Variants in HAPLN2 observed in about 807,000 individuals in gnomAD.
The protein encoded by HAPLN2 is hyaluronan and proteoglycan link protein 2, also known as brain link protein-1.
Under a neutral mutation model 29.3 loss-of-function variants are expected in HAPLN2, and 27 were observed. The observed-to-expected ratio is 0.92, with a 90% CI of 0.68 to 1.27. The LOEUF (loss-of-function observed/expected upper bound fraction) is 1.27, where lower values mean the gene tolerates loss of function less well. HAPLN2 is among the 50% of genes most tolerant of loss of function. HAPLN2 has a pLI of 0.00. For missense variants in HAPLN2, 454 were observed against 484.3 expected (o/e 0.94, Z 0.59); for synonymous variants, 208 against 211.7 (o/e 0.98, Z 0.15).
chr1:156,623,421 C>T, intron 2 of HAPLN2, 46 bp from the exon 3 acceptor site: 1 of 1,523,584 alleles, frequency 6.6e-7, no homozygotes, highest in Non-Finnish European at 9.0e-7. Context: ...TCTTCCCCAC[C>T]CTTTTGCCCC....
chr1:156,624,408 C>T lies in HAPLN2; in HGVS notation c.497C>T (p.Ala166Val). 2 of 1,610,796 alleles carry T rather than the reference C, an allele frequency of 1.2e-6. No individual in the cohort carries two copies. Among genetic ancestry groups the T allele is most frequent in the Non-Finnish European group, 1.7e-6 (2 of 1,178,710 alleles). ...RGRYQFNYYE[A>V]KQACEEQDGR... is the part of the protein sequence containing the mutation. The stretch of plus-strand genomic sequence containing the variant: ...CGGTACCAGTTCAATTACTACGAGG[C>T]GAAGCAGGCGTGCGAGGAGCAGGAC... The change falls in exon 5 of 7, where the codon GCG (alanine) becomes GTG (valine). Residue 166 changes from alanine (A) to valine (V), a missense_variant. Physicochemically the swap from Ala to Val is moderately conservative, Grantham distance 64. This residue lies in a region of HAPLN2 where 15 missense variants were observed against 38.3 expected (regional missense o/e 0.39). Coordinates refer to ENST00000255039, the MANE Select transcript of HAPLN2 (RefSeq NM_021817.3).
In HAPLN2 at chr1:156,623,486, C is replaced by G; in HGVS notation, c.-5C>G. The G allele has an allele frequency of 6.2e-7, 1 of 1,614,054 alleles. No homozygotes were observed. The highest frequency in any genetic ancestry group is 2.2e-5 in the East Asian group (1 of 44,878). ...CTGCAGACGGTGCCGGGCTGACCCC[C>G]CATCATGCCAGGCTGGCTCACCCTC... On this transcript the variant is annotated 5_prime_UTR_variant, in exon 3 of 7. Coordinates refer to ENST00000255039, the MANE Select transcript of HAPLN2 (RefSeq NM_021817.3).
chr1:156,624,027 G>A lies in HAPLN2; in HGVS notation c.306G>A (p.Arg102=). ...ATGGGCCCCTGGGAGGGCGCGCCAG[G>A]ATGCGGAGGGGGCATCGACTAGACG... ...RGYGPLGGRA[R]MRRGHRLDAS... The change falls in exon 4 of 7, where the codon AGG becomes AGA. Residue 102 remains arginine (R), a synonymous_variant. Coordinates refer to ENST00000255039, the MANE Select transcript of HAPLN2 (RefSeq NM_021817.3). 1 of 1,612,516 alleles carries A rather than the reference G, an allele frequency of 6.2e-7. No individual in the cohort carries two copies. Among genetic ancestry groups the A allele is most frequent in the East Asian group, 2.2e-5 (1 of 44,836 alleles).
At chr1:156,601,705 A>G in the HAPLN2 span, among the ~76,000 whole-genome samples, 6 of 152,206 alleles carry the variant, frequency 3.9e-5, no homozygotes, top group East Asian at 9.7e-4. Context: ...TGGCCCTCTC[A>G]GGATGCCAAG....
the HAPLN2 span, among the ~76,000 whole-genome samples, chr1:156,610,064 A>T: frequency 6.6e-6 from 1 of 152,122 alleles, no homozygotes; most frequent in Admixed American, 6.5e-5. Context: ...AATATAAAAA[A>T]TTAGCTGGGT....
chr1:156,625,178 G>C lies in HAPLN2; in HGVS notation c.817G>C (p.Ala273Pro). Reference protein sequence around the residue: ...AACRRRGAVVAKVGHLYAAWK... With the variant: ...AACRRRGAVVPKVGHLYAAWK... ...GTGCCGGCGACGCGGCGCCGTGGTGGCCAAGGTTGGGCACCTCTACGCCGC... is the reference window on the plus strand; with the variant it reads ...GTGCCGGCGACGCGGCGCCGTGGTGCCCAAGGTTGGGCACCTCTACGCCGC... The change falls in exon 7 of 7, where the codon GCC becomes CCC. Residue 273 changes from alanine (A) to proline (P), a missense_variant. Around this residue, in one of 3 missense-constraint regions of HAPLN2, gnomAD observed 235 missense variants for 236.9 expected, o/e 0.99. Coordinates refer to ENST00000255039, the MANE Select transcript of HAPLN2 (RefSeq NM_021817.3). The surrounding 1 kb of genome is among the most constrained non-coding windows in gnomAD (Gnocchi z 5.7). 1 of 1,547,848 alleles carries C rather than the reference G, an allele frequency of 6.5e-7. No individual in the cohort carries two copies. The highest frequency in any genetic ancestry group is 2.4e-5 in the East Asian group (1 of 41,044).
At chr1:156,612,671 A>G in the HAPLN2 span, among the ~76,000 whole-genome samples, 2 of 152,226 alleles carry the variant, frequency 1.3e-5, no homozygotes, top group South Asian at 4.1e-4. Flanking sequence ...TCACGGGAGC[A>G]GCAAACACTA....
chr1:156,625,411 CGCGAAG>C lies in HAPLN2; in HGVS notation c.*28_*33del. The stretch of plus-strand genomic sequence containing the variant: ...CGCCCACCGTGTCCCCTCCAGCGCG[CGCGAAG>C]AAGCTTGGGAGTCGTGGCGGGGGTC... On this transcript the variant is annotated 3_prime_UTR_variant, in exon 7 of 7. Transcript: ENST00000255039. The surrounding 1 kb of genome is among the most constrained non-coding windows in gnomAD (Gnocchi z 5.7). 6.5e-7 allele frequency: 1 copy of C among 1,549,770 alleles called. No individual in the cohort carries two copies. Among genetic ancestry groups the C allele is most frequent in the Non-Finnish European group, 8.7e-7 (1 of 1,147,530 alleles).
chr1:156,606,536 G>T, the HAPLN2 span, among the ~76,000 whole-genome samples: 2 of 150,402 alleles, frequency 1.3e-5, no homozygotes, highest in Admixed American at 1.3e-4. Context: ...AGGCTGGAGT[G>T]CAGTGGCGTG....
chr1:156,612,167 GT>G, the HAPLN2 span, among the ~76,000 whole-genome samples: 14 of 152,200 alleles, frequency 9.2e-5, no homozygotes, highest in South Asian at 2.9e-3. Context: ...GGGATTACAT[GT>G]GCCCACTACC....
In HAPLN2 at chr1:156,624,702, C is replaced by T; in HGVS notation, c.658C>T (p.Arg220Trp). Residue 220 changes from arginine to tryptophan, a missense_variant, in exon 6 of 7, where the codon CGG (arginine) becomes TGG (tryptophan). By Grantham distance (101) the Arg-to-Trp change is moderately radical (BLOSUM62 -3). Around this residue, in one of 3 missense-constraint regions of HAPLN2, gnomAD observed 235 missense variants for 236.9 expected, o/e 0.99. Coordinates refer to ENST00000255039, the MANE Select transcript of HAPLN2 (RefSeq NM_021817.3). Reference sequence around the variant, plus strand: ...ACGCGCCCCGTGCGGCGGCCGAGGCCGGCCCGGGATCCGCAGCTACGGACC... The same window carrying T: ...ACGCGCCCCGTGCGGCGGCCGAGGCTGGCCCGGGATCCGCAGCTACGGACC... ...TARAPCGGRG[R>W]PGIRSYGPRD... 1 of 1,592,990 alleles carries T rather than the reference C, an allele frequency of 6.3e-7. No homozygotes were observed. Among genetic ancestry groups the T allele is most frequent in the Non-Finnish European group, 8.5e-7 (1 of 1,173,092 alleles).
In HAPLN2 at chr1:156,625,107, T is replaced by C. The variant is rs1422727298; in HGVS notation, c.746T>C (p.Val249Ala). Residue 249 changes from valine to alanine, a missense_variant, in exon 7 of 7, where the codon GTG (valine) becomes GCG (alanine). Val to Ala is a moderately conservative substitution (Grantham distance 64). Around this residue, in one of 3 missense-constraint regions of HAPLN2, gnomAD observed 235 missense variants for 236.9 expected, o/e 0.99. Transcript: ENST00000255039. This position sits in a 1 kb window ranked among gnomAD's most constrained non-coding sequence, Gnocchi z 5.7. ...GACCCGCTGTGGTCCCCAGGCCAAG[T>C]GTTCTTCGTGCCCGGGCGGCTGACG... ...FCFTSALAGQVFFVPGRLTLS... is the reference protein window; with the variant it reads ...FCFTSALAGQAFFVPGRLTLS... 1 of 1,537,944 alleles carries C rather than the reference T, an allele frequency of 6.5e-7. No homozygotes were observed. The highest frequency in any genetic ancestry group is 1.2e-5 in the South Asian group (1 of 83,922).
chr1:156,623,624 C>T, intron 3 of HAPLN2, 49 bp downstream of exon 3: 1 of 1,609,188 alleles, frequency 6.2e-7, no homozygotes, highest in East Asian at 2.2e-5. Flanking sequence ...GGGGAGACTG[C>T]AAGGGTGGGG....
chr1:156,613,714 G>A, the HAPLN2 span, among the ~76,000 whole-genome samples: 3 of 151,900 alleles, frequency 2.0e-5, no homozygotes, highest in Admixed American at 1.3e-4. Flanking sequence ...TCAGAAGTTC[G>A]AGATCAGCCT....
chr1:156,606,633 A>G, the HAPLN2 span, among the ~76,000 whole-genome samples: 1 of 151,718 alleles, frequency 6.6e-6, no homozygotes, highest in Non-Finnish European at 1.5e-5. Flanking sequence ...CAGGAGTGGC[A>G]CACCATACCT....
chr1:156,607,592 T>C, the HAPLN2 span, among the ~76,000 whole-genome samples: 6 of 152,296 alleles, frequency 3.9e-5, no homozygotes, highest in Non-Finnish European at 5.9e-5. Flanking sequence ...AGGAAGTATG[T>C]GTGGTCCCTG....
At chr1:156,619,266 T>C (rs960662820), upstream of HAPLN2, 1 of 139,714 alleles carries the variant, frequency 7.2e-6, no homozygotes, top group African/African-American at 2.6e-5. Context: ...CGGTCCTGCA[T>C]CCCACATCCC....
chr1:156,612,215 G>C, the HAPLN2 span, among the ~76,000 whole-genome samples: 1 of 152,064 alleles, frequency 6.6e-6, no homozygotes, highest in East Asian at 1.9e-4. Context: ...GTAGAGACGG[G>C]GTTTCACCAT....
At chr1:156,606,423 TAAAAA>T in the HAPLN2 span, among the ~76,000 whole-genome samples, 1 of 49,494 alleles carries the variant, frequency 2.0e-5, no homozygotes, top group Non-Finnish European at 3.9e-5. Context: ...AGACTCTGTC[TAAAAA>T]AAAAAAAAAA....
Sources: allele counts gnomAD v4.1 joint callset (sites outside exome capture counted in the v4.1 genomes callset), GRCh38; gene constraint gnomAD v4.1.1; regional missense constraint gnomAD v4.1.1; non-coding constraint Gnocchi (gnomAD v3.1); transcripts MANE v1.5; gene names NCBI Gene and HGNC (gene_info 2026-07-23, HGNC 2026-07-21).